The following RHOU variants were observed in gnomAD, a reference collection of about 807,000 sequenced individuals.
RHOU encodes rho-related GTP-binding protein RhoU.
In RHOU, 8 loss-of-function variants were observed where a neutral mutation model predicts 12.6. The ratio of observed to expected loss-of-function variants is 0.64; its 90% confidence interval spans 0.37 to 1.15. The LOEUF (loss-of-function observed/expected upper bound fraction) is 1.15, where lower values mean the gene tolerates loss of function less well. Among genes scored for constraint, RHOU ranks in the 50% most tolerant of loss-of-function variants. RHOU has a pLI of 0.01. For synonymous variants in RHOU, 161 were observed against 147.4 expected, an observed-to-expected ratio of 1.09 and a Z score of -0.67; for missense variants, 258 against 347.0, an observed-to-expected ratio of 0.74 and a Z score of 2.04.
chr1:228,685,131 C>T, the RHOU span, among the ~76,000 whole-genome samples: 2 of 152,146 alleles, frequency 1.3e-5, no homozygotes, highest in East Asian at 1.9e-4. Flanking sequence ...CTGGTAGGAG[C>T]GTAGCAGTGA....
the RHOU span, among the ~76,000 whole-genome samples, chr1:228,659,974 A>C: frequency 1.3e-4 from 19 of 151,392 alleles, no homozygotes; most frequent in Admixed American, 6.6e-4. Context: ...AACAAAAAAA[A>C]AAAAAAACAA....
At chr1:228,677,245 G>A in the RHOU span, among the ~76,000 whole-genome samples, 2 of 152,060 alleles carry the variant, frequency 1.3e-5, no homozygotes, top group Admixed American at 6.6e-5. Context: ...GCCTGGATGT[G>A]GTTTTGTATG....
chr1:228,678,593 G>C, the RHOU span, among the ~76,000 whole-genome samples: 8 of 152,180 alleles, frequency 5.3e-5, no homozygotes, highest in Middle Eastern at 3.2e-3. Context: ...GGACCCTCGA[G>C]TAGTGAGGAA....
Position 228,746,641 on chromosome 1 carries a change from A to G in RHOU, c.*2901A>G, listed in dbSNP as rs1467248347. 1 of 152,256 alleles carries G rather than the reference A, an allele frequency of 6.6e-6. No homozygotes were observed. Among genetic ancestry groups the G allele is most frequent in the Non-Finnish European group, 1.5e-5 (1 of 68,044 alleles). 9.4% of individuals were successfully genotyped at this position (152,256 alleles called of 1,614,324 possible). ...TTGAAAATGCTATAAGTGAGATGGT[A>G]TGAAATAAATTCTGACTTATGAATA... is the stretch of plus-strand genomic sequence containing the variant. On this transcript the variant is annotated 3_prime_UTR_variant, in exon 3 of 3. Coordinates refer to ENST00000366691, the MANE Select transcript of RHOU (RefSeq NM_021205.6).
chr1:228,659,935 A>G, the RHOU span, among the ~76,000 whole-genome samples: 3 of 148,856 alleles, frequency 2.0e-5, no homozygotes, highest in African/African-American at 7.4e-5. Context: ...CCTGGGAAAC[A>G]TGGTAAAACC....
At chr1:228,710,662 A>C in the RHOU span, among the ~76,000 whole-genome samples, 1 of 151,294 alleles carries the variant, frequency 6.6e-6, no homozygotes, top group African/African-American at 2.4e-5. Flanking sequence ...GACATATCTC[A>C]AAATAATAAG....
At chr1:228,663,959 CCCCTCCCCTCCCCTCCCCTT>C in the RHOU span, among the ~76,000 whole-genome samples, 7 of 104,844 alleles carry the variant, frequency 6.7e-5, no homozygotes, top group South Asian at 4.0e-4. Context: ...TTTTTCTTCT[CCCCTCCCCTCCCCTCCCCTT>C]CCCTCCCCTC....
chr1:228,737,678 G>A lies in RHOU; in HGVS notation c.268G>A (p.Val90Met). 1 of 1,614,200 alleles carries A rather than the reference G, an allele frequency of 6.2e-7. No homozygotes were observed. The highest frequency in any genetic ancestry group is 8.5e-7 in the Non-Finnish European group (1 of 1,180,038). Residue 90 changes from valine (V) to methionine (M), a missense_variant, in exon 2 of 3, where the codon GTG (valine) becomes ATG (methionine). Val to Met is a conservative substitution (Grantham distance 21). Transcript: ENST00000366691. This position sits in a 1 kb window ranked among gnomAD's most constrained non-coding sequence, Gnocchi z 4.1. ...ATTTTGGTTTTGTTTTTAAGCGGTGGTGTCTGTGGATGGGCGGCCCGTGAG... is the reference window on the plus strand; with the variant it reads ...ATTTTGGTTTTGTTTTTAAGCGGTGATGTCTGTGGATGGGCGGCCCGTGAG... The part of the protein sequence containing the change: ...PTAFDNFSAV[V>M]SVDGRPVRLQ...
At chr1:228,689,993 G>A in the RHOU span, among the ~76,000 whole-genome samples, 11 of 149,110 alleles carry the variant, frequency 7.4e-5, no homozygotes, top group African/African-American at 1.8e-4. Context: ...GCCTGAAACC[G>A]GAATTTAAAA....
At chr1:228,718,124 T>A in the RHOU span, among the ~76,000 whole-genome samples, 1 of 152,152 alleles carries the variant, frequency 6.6e-6, no homozygotes, top group African/African-American at 2.4e-5. Flanking sequence ...AATGAGAACC[T>A]GGGGAGGTGA....
upstream of RHOU, among the ~76,000 whole-genome samples, chr1:228,731,121 C>T (rs1460601963): frequency 2.0e-5 from 3 of 152,002 alleles, no homozygotes; most frequent in East Asian, 5.8e-4. Flanking sequence ...TAATACTGTG[C>T]TAGGGGAAGA....
chr1:228,740,953 C>T (rs1310229364), intron 2 of RHOU, among the ~76,000 whole-genome samples: 1 of 152,092 alleles, frequency 6.6e-6, no homozygotes, highest in Non-Finnish European at 1.5e-5. Context: ...CAGAGACAGA[C>T]TGGAGGCTTG....
chr1:228,707,930 T>A, the RHOU span, among the ~76,000 whole-genome samples: 1 of 151,974 alleles, frequency 6.6e-6, no homozygotes, highest in East Asian at 1.9e-4. Context: ...GAAGAATATA[T>A]AACTAGAATC....
chr1:228,691,891 A>C, the RHOU span, among the ~76,000 whole-genome samples: 1 of 152,230 alleles, frequency 6.6e-6, no homozygotes, highest in African/African-American at 2.4e-5. Context: ...GAAGGTTAAA[A>C]GAATCATGGC....
chr1:228,668,926 A>G, the RHOU span, among the ~76,000 whole-genome samples: 1 of 152,160 alleles, frequency 6.6e-6, no homozygotes, highest in Non-Finnish European at 1.5e-5. Flanking sequence ...AATCCCAGGA[A>G]CCCAGGCCAG....
At chr1:228,733,429 T>G (rs1662531855), upstream of RHOU, among the ~76,000 whole-genome samples, 1 of 152,208 alleles carries the variant, frequency 6.6e-6, no homozygotes, top group South Asian at 2.1e-4. Flanking sequence ...TACCTCAGCC[T>G]CTGGAGTATT....
chr1:228,741,103 A>C (rs1662713478), intron 2 of RHOU, among the ~76,000 whole-genome samples: 1 of 152,124 alleles, frequency 6.6e-6, no homozygotes, highest in Admixed American at 6.5e-5. Context: ...TGAAAAAAAA[A>C]AATCAAGTTG....
At chr1:228,704,624 A>ATTTTTTTTT in the RHOU span, among the ~76,000 whole-genome samples, 1 of 139,696 alleles carries the variant, frequency 7.2e-6, no homozygotes, top group Non-Finnish European at 1.6e-5. Flanking sequence ...CACTCAGCTA[A>ATTTTTTTTT]TTTTTTTTTT....
the RHOU span, among the ~76,000 whole-genome samples, chr1:228,682,626 A>G: frequency 3.3e-5 from 5 of 152,152 alleles, no homozygotes; most frequent in African/African-American, 1.2e-4. Context: ...GAAACTTCTT[A>G]AGGGTGGTGG....
Sources: gnomAD v4.1 joint callset for allele counts (sites outside exome capture counted in the v4.1 genomes callset) on GRCh38, gnomAD v4.1.1 for gene constraint, Gnocchi (gnomAD v3.1) non-coding constraint, MANE v1.5 for transcripts, NCBI Gene and HGNC (gene_info 2026-07-23, HGNC 2026-07-21) for gene names.